The following THSD7A variants were observed in gnomAD, a reference collection of about 807,000 sequenced individuals.
THSD7A encodes the protein thrombospondin type-1 domain-containing protein 7A.
A neutral mutation model predicts 231.3 loss-of-function variants in THSD7A; 96 were observed. The ratio of observed to expected loss-of-function variants is 0.41; its 90% CI spans 0.35 to 0.49. The LOEUF is 0.49. Ranked by LOEUF, THSD7A falls within the 20% of genes least tolerant of loss-of-function variation. THSD7A has a pLI of 0.05. For missense variants in THSD7A, 2,290 were observed against 2,070.2 expected (o/e 1.11, Z -2.06); for synonymous variants, 940 against 743.3 (o/e 1.26, Z -4.30).
chr7:11,494,456 A>C (rs1787019236), intron 6 of THSD7A, among the ~76,000 whole-genome samples: 1 of 152,012 alleles, frequency 6.6e-6, no homozygotes, highest in African/African-American at 2.4e-5. Context: ...CCTATGACTA[A>C]AGTTCCAGGT....
intron 1 of THSD7A, among the ~76,000 whole-genome samples, chr7:11,738,388 G>T (rs937454156): frequency 1.3e-5 from 2 of 151,866 alleles, no homozygotes; most frequent in Admixed American, 6.6e-5. Context: ...ATTATTTTAC[G>T]ATATATGTAA....
In THSD7A at chr7:11,563,128, A is replaced by C. The variant is rs140283114; in HGVS notation, c.1454-20011T>G. Among the ~76,000 whole-genome samples, 618 of 152,310 alleles carry C rather than the reference A, an allele frequency of 4.1e-3. 2 individuals carry two copies. Among genetic ancestry groups the C allele is most frequent in the Admixed American group, 5.3e-3 (81 of 15,306 alleles). The stretch of plus-strand genomic sequence containing the variant: ...GATGTTCCTGTACTAAACTTGAATC[A>C]TAGAAGTTTATTTCCTCTTGTCTTT... On this transcript the variant is annotated intron_variant, in intron 4 of 27. Transcript: ENST00000423059.
chr7:11,604,899 C>T (rs890574716), intron 2 of THSD7A, among the ~76,000 whole-genome samples: 1 of 152,052 alleles, frequency 6.6e-6, no homozygotes, highest in South Asian at 2.1e-4. Flanking sequence ...TTAGAAATCA[C>T]AAGCATATCA....
At chr7:11,638,764 C>G (rs774706166) in intron 1 of THSD7A, among the ~76,000 whole-genome samples, 2 of 152,018 alleles carry the variant, frequency 1.3e-5, no homozygotes, top group Non-Finnish European at 2.9e-5. Context: ...AATGTTGAAA[C>G]TTTATGGGAG....
At chr7:11,566,992 C>T (rs1790369739) in intron 4 of THSD7A, among the ~76,000 whole-genome samples, 1 of 118,990 alleles carries the variant, frequency 8.4e-6, no homozygotes, top group South Asian at 3.0e-4. Context: ...AACAAAGTTT[C>T]CTAAAGTTGT....
rs1450491994 is a variant in THSD7A at position 11,401,834 on chromosome 7, G to C, written c.4372C>G (p.Leu1458Val). ...VIIQELENQHLCPEQMLETKS... is the reference protein window; with the variant it reads ...VIIQELENQHVCPEQMLETKS... ...GTTTCTAACATCTGCTCTGGGCACAGATGCTGATTCTCTAGTTCTTGTATA... is the reference window on the plus strand; with the variant it reads ...GTTTCTAACATCTGCTCTGGGCACACATGCTGATTCTCTAGTTCTTGTATA... Residue 1458 changes from leucine to valine, a missense_variant, in exon 23 of 28, where the codon CTG becomes GTG. Coordinates refer to ENST00000423059, the MANE Select transcript of THSD7A (RefSeq NM_015204.3). 2 of 1,613,788 alleles carry C rather than the reference G, an allele frequency of 1.2e-6. No homozygotes were observed. The highest frequency in any genetic ancestry group is 1.7e-6 in the Non-Finnish European group (2 of 1,179,826).
At chr7:11,582,130 T>C (rs1433307418) in intron 4 of THSD7A, among the ~76,000 whole-genome samples, 2 of 152,062 alleles carry the variant, frequency 1.3e-5, no homozygotes, top group African/African-American at 4.8e-5. Flanking sequence ...AAATCGGTAT[T>C]TTTTTCTTAT....
intron 11 of THSD7A, among the ~76,000 whole-genome samples, chr7:11,454,966 T>C (rs1785258606): frequency 6.6e-6 from 1 of 151,992 alleles, no homozygotes; most frequent in Non-Finnish European, 1.5e-5. Context: ...CTGAGTTGTA[T>C]CTCCCTCAGA....
At chr7:11,494,269 A>T (rs116392145) in intron 6 of THSD7A, among the ~76,000 whole-genome samples, 165 of 152,154 alleles carry the variant, frequency 1.1e-3, no homozygotes, top group African/African-American at 3.8e-3. Context: ...TTGTCACTAA[A>T]TACTTTGTTA....
intron 6 of THSD7A, among the ~76,000 whole-genome samples, chr7:11,523,266 T>A (rs1788341003): frequency 6.6e-6 from 1 of 152,058 alleles, no homozygotes; most frequent in South Asian, 2.1e-4. Context: ...GTCTTTATAG[T>A]AATATGAAGA....
At chr7:11,765,860 G>C (rs1229369023) in intron 1 of THSD7A, among the ~76,000 whole-genome samples, 2 of 152,064 alleles carry the variant, frequency 1.3e-5, no homozygotes, top group Non-Finnish European at 2.9e-5. Flanking sequence ...AAATAGGTCA[G>C]AACCTGAGCA....
At chr7:11,522,035 T>A (rs1391998082) in intron 6 of THSD7A, among the ~76,000 whole-genome samples, 1 of 152,198 alleles carries the variant, frequency 6.6e-6, no homozygotes, top group Non-Finnish European at 1.5e-5. Context: ...AAGCTCTTTA[T>A]GTCCTAAATC....
chr7:11,786,076 C>G (rs1783782112), intron 1 of THSD7A, among the ~76,000 whole-genome samples: 1 of 150,948 alleles, frequency 6.6e-6, no homozygotes, highest in Admixed American at 6.6e-5. Context: ...TTTTATGAAT[C>G]ATTCCCTTTT....
chr7:11,639,025 T>C (rs1209356392), intron 1 of THSD7A, among the ~76,000 whole-genome samples: 1 of 152,122 alleles, frequency 6.6e-6, no homozygotes, highest in East Asian at 1.9e-4. Flanking sequence ...CCCACTGTGC[T>C]TGAACAAAAC....
At chr7:11,378,812 G>T (rs141454199) in intron 26 of THSD7A, 114 of 398,338 alleles carry the variant, frequency 2.9e-4, no homozygotes, top group African/African-American at 2.1e-3. Flanking sequence ...GTAATTTTTG[G>T]ACTGGAATTG....
chr7:11,649,332 G>GAGTC (rs1325053213), intron 1 of THSD7A, among the ~76,000 whole-genome samples: 1 of 152,012 alleles, frequency 6.6e-6, no homozygotes, highest in Non-Finnish European at 1.5e-5. Context: ...GATAGACCCT[G>GAGTC]AGTCAGAACC....
At chr7:11,391,204 G>A (rs1397071053) in intron 23 of THSD7A, among the ~76,000 whole-genome samples, 1 of 151,818 alleles carries the variant, frequency 6.6e-6, no homozygotes, top group East Asian at 1.9e-4. Flanking sequence ...AGTGCCCCTT[G>A]CCCCAGGTGC....
At chr7:11,473,583 C>T (rs1329524920) in intron 8 of THSD7A, among the ~76,000 whole-genome samples, 1 of 151,968 alleles carries the variant, frequency 6.6e-6, no homozygotes, top group Non-Finnish European at 1.5e-5. Context: ...AAAGCTTTTT[C>T]CCCTCAATTT....
intron 6 of THSD7A, among the ~76,000 whole-genome samples, chr7:11,482,898 A>G (rs10486133): frequency 0.13 from 19,949 of 152,234 alleles, 1,542 homozygotes; most frequent in Middle Eastern, 0.19. Flanking sequence ...TAAATGCCAA[A>G]AACAACCAAC....
Sources: allele counts gnomAD v4.1 joint callset (sites outside exome capture counted in the v4.1 genomes callset), GRCh38; gene constraint gnomAD v4.1.1; transcripts MANE v1.5; gene names NCBI Gene and HGNC (gene_info 2026-07-23, HGNC 2026-07-21).